Variants in EYS observed in about 807,000 individuals in gnomAD.
EYS encodes EGF-like photoreceptor maintenance factor.
In EYS, 250 loss-of-function variants were observed where a neutral mutation model predicts 282.1. That is an observed-to-expected ratio of 0.89 (90% CI 0.80 to 0.98). EYS has a LOEUF of 0.98. EYS is among the 50% of genes least tolerant of loss of function. The pLI, the probability that EYS is intolerant of heterozygous loss-of-function variation, is 0.00. For synonymous variants in EYS, 1,355 were observed against 1,282.9 expected (o/e 1.06, Z -1.20); for missense variants, 4,016 against 3,709.0 (o/e 1.08, Z -2.15).
chr6:63,934,647 G>A (rs1204535253), intron 35 of EYS, among the ~76,000 whole-genome samples: 1 of 151,124 alleles, frequency 6.6e-6, no homozygotes, highest in Non-Finnish European at 1.5e-5. Context: ...ACTATCGCAA[G>A]GACAAAAAAC....
chr6:64,040,928 A>G (rs953706334), intron 33 of EYS, among the ~76,000 whole-genome samples: 8 of 152,232 alleles, frequency 5.3e-5, no homozygotes, highest in African/African-American at 1.9e-4. Context: ...GTGTTTAAAT[A>G]GAGGTATTCA....
intron 29 of EYS, among the ~76,000 whole-genome samples, chr6:64,343,470 T>G (rs1222964795): frequency 6.8e-6 from 1 of 146,458 alleles, no homozygotes; most frequent in Non-Finnish European, 1.5e-5. Flanking sequence ...GGATACATAA[T>G]GAAATGAAGG....
chr6:64,647,773 C>T (rs555439847), intron 22 of EYS, among the ~76,000 whole-genome samples: 17 of 152,142 alleles, frequency 1.1e-4, no homozygotes, highest in Middle Eastern at 6.8e-3. Flanking sequence ...TTACTTCAAA[C>T]GGCATTTGTT....
At chr6:65,414,226 G>A (rs1265333662) in intron 5 of EYS, among the ~76,000 whole-genome samples, 2 of 152,156 alleles carry the variant, frequency 1.3e-5, no homozygotes, top group African/African-American at 2.4e-5. Flanking sequence ...ACAATTGTAT[G>A]GGTATGGAGA....
intron 26 of EYS, among the ~76,000 whole-genome samples, chr6:64,582,019 A>T (rs1379271643): frequency 6.6e-6 from 1 of 152,172 alleles, no homozygotes; most frequent in East Asian, 1.9e-4. Context: ...GAATTGTCAA[A>T]ATTTACCCAT....
chr6:65,443,559 T>C (rs1296106759), intron 5 of EYS, among the ~76,000 whole-genome samples: 6 of 148,700 alleles, frequency 4.0e-5, no homozygotes, highest in Non-Finnish European at 5.9e-5. Context: ...TACGCATACA[T>C]GTATACACAC....
At position 65,510,294 on chromosome 6, in the gene EYS, A is replaced by T. The variant is rs573109475; in HGVS notation, c.-332-14301T>A. Among the ~76,000 whole-genome samples, 15 of 150,454 alleles carry T rather than the reference A, an allele frequency of 1.0e-4. 1 individual carries two copies. The South Asian group carries it at 3.2e-3, about 32-fold the overall frequency. On this transcript the variant is annotated intron_variant, in intron 2 of 42. Transcript: ENST00000503581. Reference sequence around the variant, plus strand: ...TGGTTTTTTGTTCTTGCGATAGTTTACTGAGAATGATGATTTCCAATTTCA... The same window carrying T: ...TGGTTTTTTGTTCTTGCGATAGTTTTCTGAGAATGATGATTTCCAATTTCA...
chr6:64,975,586 T>C (rs953114584), intron 14 of EYS, among the ~76,000 whole-genome samples: 3 of 151,908 alleles, frequency 2.0e-5, no homozygotes, highest in African/African-American at 7.2e-5. Flanking sequence ...AGACTCATTA[T>C]TAACAAGTGA....
chr6:64,095,941 G>T (rs1772593344), intron 31 of EYS, among the ~76,000 whole-genome samples: 1 of 152,156 alleles, frequency 6.6e-6, no homozygotes, highest in Non-Finnish European at 1.5e-5. Flanking sequence ...CTCTTTTAGA[G>T]CAGGCCTGGT....
chr6:64,335,475 C>T (rs760917388), intron 29 of EYS, among the ~76,000 whole-genome samples: 15 of 152,028 alleles, frequency 9.9e-5, no homozygotes, highest in African/African-American at 3.1e-4. Context: ...TGTTGTAATG[C>T]TGCCTTTGTT....
At chr6:64,143,002 G>T (rs1331157857) in intron 31 of EYS, among the ~76,000 whole-genome samples, 1 of 152,116 alleles carries the variant, frequency 6.6e-6, no homozygotes, top group Non-Finnish European at 1.5e-5. Flanking sequence ...GTGCTAAAAA[G>T]TGAGAAAGCC....
chr6:64,859,709 C>G (rs1186301156), intron 19 of EYS, among the ~76,000 whole-genome samples: 1 of 152,164 alleles, frequency 6.6e-6, no homozygotes, highest in Non-Finnish European at 1.5e-5. Flanking sequence ...GTGAGGCCTC[C>G]CCAGCCACGT....
chr6:65,325,618 TG>T (rs1769598066), intron 11 of EYS, among the ~76,000 whole-genome samples: 1 of 152,058 alleles, frequency 6.6e-6, no homozygotes, highest in African/African-American at 2.4e-5. Context: ...AGTGATTGGA[TG>T]TGTCAGGGAC....
At chr6:64,504,937 T>C (rs1353231863) in intron 26 of EYS, among the ~76,000 whole-genome samples, 3 of 152,206 alleles carry the variant, frequency 2.0e-5, no homozygotes, top group Non-Finnish European at 4.4e-5. Flanking sequence ...AACTTAAATT[T>C]AAGGCGAACA....
chr6:64,359,662 G>A (rs1771940519), intron 29 of EYS, among the ~76,000 whole-genome samples: 1 of 151,624 alleles, frequency 6.6e-6, no homozygotes, highest in Admixed American at 6.6e-5. Flanking sequence ...TCGGTTTCTG[G>A]TAAGAATTCT....
chr6:65,683,221 T>C (rs920218555), intron 1 of EYS, among the ~76,000 whole-genome samples: 1 of 152,082 alleles, frequency 6.6e-6, no homozygotes, highest in African/African-American at 2.4e-5. Context: ...CAGTATTATA[T>C]CTTCATTAGA....
intron 36 of EYS, among the ~76,000 whole-genome samples, chr6:63,843,187 A>G (rs921529590): frequency 6.6e-6 from 1 of 152,192 alleles, no homozygotes; most frequent in Non-Finnish European, 1.5e-5. Context: ...GAATTTATAA[A>G]TTACTTTGGG....
intron 12 of EYS, among the ~76,000 whole-genome samples, chr6:65,243,670 G>A (rs1767109228): frequency 6.6e-6 from 1 of 151,996 alleles, no homozygotes; most frequent in African/African-American, 2.4e-5. Context: ...GAGAGGACAT[G>A]CTGAGCAACT....
At chr6:63,847,555 T>C (rs1335463503) in intron 36 of EYS, among the ~76,000 whole-genome samples, 20 of 152,158 alleles carry the variant, frequency 1.3e-4, no homozygotes, top group Non-Finnish European at 1.5e-5. Flanking sequence ...AGCCAAGAGA[T>C]TATTGGAATT....
Sources: allele counts gnomAD v4.1 joint callset (sites outside exome capture counted in the v4.1 genomes callset), GRCh38; gene constraint gnomAD v4.1.1; transcripts MANE v1.5; gene names NCBI Gene and HGNC (gene_info 2026-07-23, HGNC 2026-07-21).